The following ZFHX3 variants were observed in gnomAD, a reference collection of about 807,000 sequenced individuals.
ZFHX3 encodes the protein zinc finger homeobox protein 3.
ZFHX3 carries 42 observed loss-of-function variants against 279.1 expected under a neutral mutation model. The ratio of observed to expected loss-of-function variants is 0.15; its 90% confidence interval spans 0.12 to 0.19. The LOEUF (loss-of-function observed/expected upper bound fraction) is 0.19. Ranked by LOEUF, ZFHX3 falls within the 10% of genes least tolerant of loss-of-function variation. ZFHX3 has a pLI of 1.00. For synonymous variants in ZFHX3, 2,293 were observed against 1,957.8 expected, an observed-to-expected ratio of 1.17 and a Z score of -4.52; for missense variants, 4,981 against 4,754.0, an observed-to-expected ratio of 1.05 and a Z score of -1.40.
At chr16:73,523,560 T>C (rs1376894513) in intron 2 of ZFHX3, among the ~76,000 whole-genome samples, 2 of 151,746 alleles carry the variant, frequency 1.3e-5, no homozygotes, top group African/African-American at 2.4e-5. Context: ...CCCTGGATCC[T>C]TGGCATATTT....
chr16:73,236,223 G>C (rs1024456176), intron 5 of ZFHX3, among the ~76,000 whole-genome samples: 9 of 152,214 alleles, frequency 5.9e-5, no homozygotes, highest in African/African-American at 2.2e-4. Context: ...AGAGAGGAAG[G>C]GAATGGATGT....
At chr16:73,114,470 G>C (rs932947313) in intron 7 of ZFHX3, among the ~76,000 whole-genome samples, 1 of 151,968 alleles carries the variant, frequency 6.6e-6, no homozygotes, top group African/African-American at 2.4e-5. Flanking sequence ...GAGGCCAGGA[G>C]TTTAAGACCA....
chr16:73,735,900 T>TG (rs1220366778), intron 1 of ZFHX3, among the ~76,000 whole-genome samples: 14 of 149,998 alleles, frequency 9.3e-5, no homozygotes, highest in African/African-American at 2.5e-4. Flanking sequence ...CGTTTTTTTT[T>TG]TTTTTTTTTT....
At chr16:73,514,631 C>G (rs1232405194) in intron 2 of ZFHX3, among the ~76,000 whole-genome samples, 1 of 152,144 alleles carries the variant, frequency 6.6e-6, no homozygotes, top group Non-Finnish European at 1.5e-5. Context: ...CTTTGAGATA[C>G]GTGTTATTAT....
chr16:73,217,532 T>C (rs1320043755), intron 5 of ZFHX3, among the ~76,000 whole-genome samples: 1 of 152,128 alleles, frequency 6.6e-6, no homozygotes, highest in East Asian at 1.9e-4. Flanking sequence ...CCATTGTAAA[T>C]TTGGGAACTT....
rs200201291 is a variant in ZFHX3, at chr16:72,959,499, G to A, written c.647C>T (p.Pro216Leu). ...KWFEGPDQAF[P>L]NTSALAGLSP... The stretch of plus-strand genomic sequence containing the variant: ...GAGCCCCGCCAGGGCTGAGGTATTC[G>A]GGAAAGCCTGGTCTGGGCCCTCAAA... Residue 216 changes from proline (P) to leucine (L), a missense_variant, in exon 2 of 10, where the codon CCG becomes CTG. Pro to Leu is a moderately conservative substitution (Grantham distance 98, BLOSUM62 -3). This residue lies in a region of ZFHX3 where 1,068 missense variants were observed against 935.2 expected (regional missense o/e 1.14). Transcript: ENST00000268489. The A allele has an allele frequency of 7.1e-5, 115 of 1,614,260 alleles. No homozygotes were observed. The highest frequency in any genetic ancestry group is 3.3e-4 in the Middle Eastern group (2 of 6,062).
chr16:73,343,733 C>G (rs1014404797), intron 3 of ZFHX3, among the ~76,000 whole-genome samples: 7 of 152,110 alleles, frequency 4.6e-5, no homozygotes, highest in Non-Finnish European at 7.3e-5. Context: ...GCAACAACAA[C>G]AAGACATGTG....
Position 73,793,821 on chromosome 16 carries a change from A to C in ZFHX3, c.-1608+97830T>G, listed in dbSNP as rs563750544. Among the ~76,000 whole-genome samples the C allele has an allele frequency of 9.7e-4, 148 of 152,316 alleles. 1 individual carries two copies. The South Asian group carries it at 0.022, about 23-fold the overall frequency. ...TCTCATTCTCAGCAGAGACGCTGGC[A>C]TGTGCCTTTTGAAAGGGGATACTGT... On this transcript the variant is annotated intron_variant, in intron 1 of 17. Coordinates refer to the ZFHX3 transcript ENST00000641206.
At chr16:73,413,987 A>G (rs7185878) in intron 3 of ZFHX3, among the ~76,000 whole-genome samples, 135,296 of 152,278 alleles carry the variant, frequency 0.89, 60,356 homozygotes, top group African/African-American at 0.97. Context: ...CAACACCCAT[A>G]CAAATGATCA....
intron 1 of ZFHX3, among the ~76,000 whole-genome samples, chr16:73,710,266 G>C (rs951854221): frequency 6.6e-6 from 1 of 152,160 alleles, no homozygotes; most frequent in Non-Finnish European, 1.5e-5. Flanking sequence ...CTCCCATTTA[G>C]CTGTTATACT....
At chr16:73,723,835 A>T (rs555999190) in intron 1 of ZFHX3, among the ~76,000 whole-genome samples, 1 of 152,308 alleles carries the variant, frequency 6.6e-6, no homozygotes, top group African/African-American at 2.4e-5. Context: ...TCTAGGGGTC[A>T]AAAGCTACCA....
intron 3 of ZFHX3, among the ~76,000 whole-genome samples, chr16:73,414,416 A>G (rs906592453): frequency 6.6e-6 from 1 of 152,274 alleles, no homozygotes; most frequent in African/African-American, 2.4e-5. Context: ...CTTACAGTTT[A>G]ATCAGTAACA....
intron 1 of ZFHX3, among the ~76,000 whole-genome samples, chr16:72,969,363 A>T (rs1961998935): frequency 6.6e-6 from 1 of 152,258 alleles, no homozygotes; most frequent in South Asian, 2.1e-4. Context: ...ACTTGGGCAG[A>T]ACTTCACGTA....
intron 1 of ZFHX3, among the ~76,000 whole-genome samples, chr16:73,000,468 C>T (rs1963451340): frequency 6.6e-6 from 1 of 152,134 alleles, no homozygotes; most frequent in African/African-American, 2.4e-5. Context: ...GTCTGGCACT[C>T]GGCTCAACCC....
intron 1 of ZFHX3, among the ~76,000 whole-genome samples, chr16:73,006,882 T>C (rs758075828): frequency 5.3e-5 from 8 of 152,180 alleles, no homozygotes; most frequent in Non-Finnish European, 1.0e-4. Flanking sequence ...CCTAATGCAA[T>C]GTAAATGCTA....
intron 1 of ZFHX3, among the ~76,000 whole-genome samples, chr16:73,871,560 C>T (rs888814111): frequency 8.6e-5 from 13 of 151,940 alleles, no homozygotes; most frequent in Non-Finnish European, 1.3e-4. Context: ...GGACCACAGC[C>T]CCTTGGTGCT....
chr16:73,229,521 G>A (rs1289236828), intron 5 of ZFHX3, among the ~76,000 whole-genome samples: 1 of 152,084 alleles, frequency 6.6e-6, no homozygotes, highest in African/African-American at 2.4e-5. Context: ...TATGATAAAA[G>A]TAATCTCAAT....
chr16:73,521,730 G>A (rs825861), intron 2 of ZFHX3, among the ~76,000 whole-genome samples: 97,735 of 151,790 alleles, frequency 0.64, 32,099 homozygotes, highest in East Asian at 0.99. Flanking sequence ...TTTTTATATA[G>A]TAGCATTTTA....
At chr16:73,864,399 A>G (rs1362499666) in intron 1 of ZFHX3, among the ~76,000 whole-genome samples, 1 of 152,216 alleles carries the variant, frequency 6.6e-6, no homozygotes, top group Non-Finnish European at 1.5e-5. Context: ...AGAGTGGAAC[A>G]AACATTCACA....
Sources: allele counts gnomAD v4.1 joint callset (sites outside exome capture counted in the v4.1 genomes callset), GRCh38; gene constraint gnomAD v4.1.1; regional missense constraint gnomAD v4.1.1; transcripts MANE v1.5; gene names NCBI Gene and HGNC (gene_info 2026-07-23, HGNC 2026-07-21).